The following AGMO variants were observed in gnomAD, a reference collection of about 807,000 sequenced individuals.
AGMO encodes glyceryl-ether monooxygenase.
A neutral mutation model predicts 60.2 loss-of-function variants in AGMO; 75 were observed. That is an observed-to-expected ratio of 1.25 (90% CI 1.03 to 1.51). The LOEUF (loss-of-function observed/expected upper bound fraction) is 1.51. Among genes scored for constraint, AGMO ranks in the 40% most tolerant of loss-of-function variants. AGMO has a pLI of 0.00. For synonymous variants in AGMO, 261 were observed against 177.1 expected (o/e 1.47, Z -3.76); for missense variants, 763 against 525.5 (o/e 1.45, Z -4.42).
chr7:15,236,315 A>C (rs181009657), intron 12 of AGMO, among the ~76,000 whole-genome samples: 2,349 of 151,576 alleles, frequency 0.015, 74 homozygotes, highest in African/African-American at 0.055. Context: ...AACTACATTT[A>C]CATTAAACTA....
chr7:15,401,401 C>G (rs1230968697), intron 5 of AGMO, among the ~76,000 whole-genome samples: 1 of 151,972 alleles, frequency 6.6e-6, no homozygotes, highest in Non-Finnish European at 1.5e-5. Context: ...ATTTTAGTTA[C>G]AGAACAAGAC....
At chr7:15,451,740 T>C (rs1781861282) in intron 3 of AGMO, among the ~76,000 whole-genome samples, 2 of 151,938 alleles carry the variant, frequency 1.3e-5, no homozygotes, top group Non-Finnish European at 2.9e-5. Flanking sequence ...TTATGAATGA[T>C]TTGCAAATTG....
At chr7:15,218,195 A>T (rs1196828955) in intron 12 of AGMO, among the ~76,000 whole-genome samples, 2 of 152,160 alleles carry the variant, frequency 1.3e-5, no homozygotes, top group African/African-American at 4.8e-5. Flanking sequence ...GTGAAAATGT[A>T]ACAGTGTGAA....
At chr7:15,426,507 G>T (rs904821172) in intron 4 of AGMO, among the ~76,000 whole-genome samples, 4 of 152,050 alleles carry the variant, frequency 2.6e-5, no homozygotes, top group Admixed American at 6.6e-5. Context: ...CCACCACTTT[G>T]GGGGGCTGAG....
the AGMO span, among the ~76,000 whole-genome samples, chr7:15,155,733 T>C: frequency 1.3e-5 from 2 of 152,268 alleles, no homozygotes; most frequent in East Asian, 3.9e-4. Context: ...CCAGAGTTCT[T>C]GCACTGGTTG....
intron 12 of AGMO, among the ~76,000 whole-genome samples, chr7:15,216,904 G>A (rs936901463): frequency 1.5e-4 from 22 of 149,956 alleles, no homozygotes; most frequent in African/African-American, 5.4e-4. Flanking sequence ...ACAATGTTTG[G>A]CAATGTGAAA....
intron 10 of AGMO, among the ~76,000 whole-genome samples, chr7:15,382,006 A>G (rs1249273967): frequency 1.3e-5 from 2 of 152,078 alleles, no homozygotes; most frequent in African/African-American, 2.4e-5. Context: ...GGAACAACAC[A>G]CACTGGGGTC....
chr7:15,424,789 G>A (rs914813943), intron 4 of AGMO, among the ~76,000 whole-genome samples: 1 of 152,152 alleles, frequency 6.6e-6, no homozygotes, highest in African/African-American at 2.4e-5. Flanking sequence ...TTTACTTCAT[G>A]GGGGCTTAAT....
At chr7:15,180,101 A>T in the AGMO span, among the ~76,000 whole-genome samples, 2 of 152,174 alleles carry the variant, frequency 1.3e-5, no homozygotes, top group Non-Finnish European at 2.9e-5. Context: ...TATGTTGATG[A>T]CTAACACCTG....
intron 12 of AGMO, among the ~76,000 whole-genome samples, chr7:15,328,839 C>T (rs1291892707): frequency 6.6e-6 from 1 of 152,054 alleles, no homozygotes; most frequent in Non-Finnish European, 1.5e-5. Context: ...TTTCCTTCTC[C>T]TTTTCCTTTC....
chr7:15,336,496 TCTTA>T (rs1409235516), intron 12 of AGMO, among the ~76,000 whole-genome samples: 7 of 152,154 alleles, frequency 4.6e-5, no homozygotes, highest in Non-Finnish European at 1.0e-4. Flanking sequence ...CCAAAATCAA[TCTTA>T]CTAATTCATG....
intron 12 of AGMO, among the ~76,000 whole-genome samples, chr7:15,353,427 T>A (rs1170386505): frequency 6.6e-6 from 1 of 152,208 alleles, no homozygotes; most frequent in Non-Finnish European, 1.5e-5. Flanking sequence ...AGGCTTATGA[T>A]GTTAAACTAA....
chr7:15,466,815 G>C (rs1287117925), intron 3 of AGMO, among the ~76,000 whole-genome samples: 3 of 152,154 alleles, frequency 2.0e-5, no homozygotes, highest in South Asian at 2.1e-4. Flanking sequence ...AAAGGATACA[G>C]TTGGTTCAAG....
intron 10 of AGMO, among the ~76,000 whole-genome samples, chr7:15,367,025 C>G (rs566500302): frequency 6.6e-6 from 1 of 151,866 alleles, no homozygotes; most frequent in Non-Finnish European, 1.5e-5. Flanking sequence ...GTACGGCAGT[C>G]TTTTTTTATT....
At chr7:15,189,754 G>A in the AGMO span, among the ~76,000 whole-genome samples, 8 of 151,514 alleles carry the variant, frequency 5.3e-5, no homozygotes, top group Non-Finnish European at 8.8e-5. Flanking sequence ...GTCTTCGAGC[G>A]CTGAGATGTA....
chr7:15,496,311 G>T (rs1212362958), intron 3 of AGMO, among the ~76,000 whole-genome samples: 1 of 152,130 alleles, frequency 6.6e-6, no homozygotes, highest in Non-Finnish European at 1.5e-5. Context: ...TTGGCTTTGT[G>T]CATCAGGGTT....
chr7:15,189,433 T>C, the AGMO span, among the ~76,000 whole-genome samples: 1,470 of 152,252 alleles, frequency 9.7e-3, 23 homozygotes, highest in African/African-American at 0.033. Context: ...CTTTGTGCTA[T>C]CATAGCTGAT....
intron 3 of AGMO, among the ~76,000 whole-genome samples, chr7:15,528,681 C>T (rs1354810493): frequency 6.6e-6 from 1 of 151,964 alleles, no homozygotes; most frequent in Non-Finnish European, 1.5e-5. Flanking sequence ...GAGTTTCACT[C>T]TTTTTTGCCC....
At chr7:15,400,948 C>T (rs899081380) in intron 5 of AGMO, among the ~76,000 whole-genome samples, 1 of 151,996 alleles carries the variant, frequency 6.6e-6, no homozygotes, top group Non-Finnish European at 1.5e-5. Flanking sequence ...CTATCCTGCA[C>T]TTACACATTA....
Sources: allele counts gnomAD v4.1 joint callset (sites outside exome capture counted in the v4.1 genomes callset), GRCh38; gene constraint gnomAD v4.1.1; transcripts MANE v1.5; gene names NCBI Gene and HGNC (gene_info 2026-07-23, HGNC 2026-07-21).